The following MYT1L variants were observed in gnomAD, a reference collection of about 807,000 sequenced individuals.
MYT1L encodes myelin transcription factor 1 like.
In MYT1L, 12 loss-of-function variants were observed where a neutral mutation model predicts 126.7. The observed-to-expected ratio is 0.09, with a 90% confidence interval of 0.06 to 0.15. The LOEUF (loss-of-function observed/expected upper bound fraction) is 0.15. Ranked by LOEUF, MYT1L falls within the 10% of genes least tolerant of loss-of-function variation. MYT1L has a pLI of 1.00. For missense variants in MYT1L, 979 were observed against 1,585.2 expected (o/e 0.62, Z 6.49); for synonymous variants, 541 against 604.2 (o/e 0.90, Z 1.53).
At chr2:2,179,057 T>C (rs1259711505) in intron 2 of MYT1L, among the ~76,000 whole-genome samples, 1 of 152,100 alleles carries the variant, frequency 6.6e-6, no homozygotes, top group Non-Finnish European at 1.5e-5. Flanking sequence ...TTACAGGCAA[T>C]ACCTGCTCTG....
At chr2:1,918,959 G>A (rs984662315) in intron 10 of MYT1L, among the ~76,000 whole-genome samples, 3 of 152,142 alleles carry the variant, frequency 2.0e-5, no homozygotes, top group African/African-American at 7.2e-5. Flanking sequence ...ATATAAAGTA[G>A]TAAGTGCACA....
At chr2:2,188,263 C>T (rs1432447980) in intron 2 of MYT1L, among the ~76,000 whole-genome samples, 1 of 152,142 alleles carries the variant, frequency 6.6e-6, no homozygotes, top group Non-Finnish European at 1.5e-5. Flanking sequence ...CCCAAAACAA[C>T]ATGAATTCGG....
intron 4 of MYT1L, among the ~76,000 whole-genome samples, chr2:2,017,624 T>A (rs959239717): frequency 6.6e-6 from 1 of 152,226 alleles, no homozygotes. Flanking sequence ...GAAGACTTTG[T>A]AGCAATGTTT....
intron 3 of MYT1L, among the ~76,000 whole-genome samples, chr2:2,165,260 C>T (rs1241363592): frequency 6.6e-6 from 1 of 151,966 alleles, no homozygotes; most frequent in South Asian, 2.1e-4. Flanking sequence ...ATATTAGACA[C>T]CAAGTACGGG....
At chr2:2,155,128 A>C (rs1575533235) in intron 3 of MYT1L, among the ~76,000 whole-genome samples, 1 of 138,620 alleles carries the variant, frequency 7.2e-6, no homozygotes, top group African/African-American at 2.5e-5. Context: ...ACTCCATCTC[A>C]ATCAATCAAT....
intron 3 of MYT1L, among the ~76,000 whole-genome samples, chr2:2,158,245 T>C (rs548236956): frequency 6.6e-5 from 10 of 151,990 alleles, no homozygotes; most frequent in Non-Finnish European, 1.3e-4. Flanking sequence ...CTAGGCAGAT[T>C]TTATTTTAAA....
At chr2:1,924,621 C>A (rs2053991683) in intron 9 of MYT1L, among the ~76,000 whole-genome samples, 1 of 152,046 alleles carries the variant, frequency 6.6e-6, no homozygotes, top group Non-Finnish European at 1.5e-5. Flanking sequence ...CCTTATTATC[C>A]CACGCTGAAG....
chr2:2,294,807 T>C lies in MYT1L; in HGVS notation c.-520-10304A>G, dbSNP rs561023696. The stretch of plus-strand genomic sequence containing the variant: ...TAAGTATCTGTTGAAAGCAATAGTG[T>C]GTGCAAAGACTTGGGCAGGGTATTG... On this transcript the variant is annotated intron_variant, in intron 1 of 24. Transcript: ENST00000647738. Among the ~76,000 whole-genome samples the C allele has an allele frequency of 3.9e-5, 6 of 152,318 alleles. No individual in the cohort carries two copies. The East Asian group carries it at 5.8e-4, about 15-fold the overall frequency.
intron 21 of MYT1L, among the ~76,000 whole-genome samples, chr2:1,838,773 T>C (rs1451009260): frequency 6.6e-6 from 1 of 152,284 alleles, no homozygotes; most frequent in East Asian, 1.9e-4. Flanking sequence ...CCGTGCCAAA[T>C]GCCATCCTCT....
At chr2:2,216,272 G>A (rs754725865) in intron 2 of MYT1L, among the ~76,000 whole-genome samples, 1 of 152,074 alleles carries the variant, frequency 6.6e-6, no homozygotes, top group Non-Finnish European at 1.5e-5. Context: ...TGTAACACAA[G>A]TCTCAATAAA....
intron 4 of MYT1L, among the ~76,000 whole-genome samples, chr2:2,027,455 C>T (rs1200618378): frequency 1.3e-5 from 2 of 152,166 alleles, no homozygotes; most frequent in African/African-American, 2.4e-5. Flanking sequence ...GGATGACCCC[C>T]GGCCATTCTT....
At position 1,852,646 on chromosome 2, in the gene MYT1L, C is replaced by A. The variant is rs1196079497; in HGVS notation, c.2712-943G>T. 6.6e-6 allele frequency among the ~76,000 whole-genome samples: 1 copy of A among 152,136 alleles called. No individual in the cohort carries two copies. Among genetic ancestry groups the A allele is most frequent in the Non-Finnish European group, 1.5e-5 (1 of 68,038 alleles). On this transcript the variant is annotated intron_variant, in intron 18 of 24. Coordinates refer to ENST00000647738, the MANE Select transcript of MYT1L (RefSeq NM_001303052.2). The surrounding 1 kb of genome is among the most constrained non-coding windows in gnomAD (Gnocchi z 4.0). The stretch of plus-strand genomic sequence containing the variant: ...CTTTGAGCTATTTCAGTTGCATTTG[C>A]GCCCACCATGAATGTAAAAATTAAG...
At chr2:2,323,105 ATCAAAAGCAAGTT>A (rs2096198466) in intron 1 of MYT1L, among the ~76,000 whole-genome samples, 1 of 152,218 alleles carries the variant, frequency 6.6e-6, no homozygotes, top group Admixed American at 6.5e-5. Context: ...AGGGAAAATG[ATCAAAAGCAAGTT>A]TCAGCAGCTT....
At chr2:2,039,171 T>C (rs1295262529) in intron 4 of MYT1L, among the ~76,000 whole-genome samples, 2 of 152,134 alleles carry the variant, frequency 1.3e-5, no homozygotes, top group African/African-American at 4.8e-5. Flanking sequence ...ATGGGGACAT[T>C]ATGGTTCACA....
chr2:1,887,581 G>C lies in MYT1L; in HGVS notation c.2549C>G (p.Ala850Gly). Residue 850 changes from alanine (A) to glycine (G), a missense_variant, in exon 17 of 25, where the codon GCT becomes GGT. By Grantham distance (60) the Ala-to-Gly change is moderately conservative (BLOSUM62 0). Coordinates refer to ENST00000647738, the MANE Select transcript of MYT1L (RefSeq NM_001303052.2). This position sits in a 1 kb window ranked among gnomAD's most constrained non-coding sequence, Gnocchi z 4.8. ...CCCGGGATACCGTCTTTCTTCTAGA[G>C]CCTCCTGGAATGGGTCCAAGTCTTC... is the stretch of plus-strand genomic sequence containing the variant. The part of the protein sequence containing the change: ...TPEDLDPFQE[A>G]LEERRYPGEV... 6.2e-7 allele frequency: 1 copy of C among 1,613,990 alleles called. No individual in the cohort carries two copies. The highest frequency in any genetic ancestry group is 8.5e-7 in the Non-Finnish European group (1 of 1,179,894).
chr2:2,098,599 A>AGG (rs970799060), intron 3 of MYT1L, among the ~76,000 whole-genome samples: 2 of 152,212 alleles, frequency 1.3e-5, no homozygotes, highest in Non-Finnish European at 1.5e-5. Flanking sequence ...GGTGGAGGCC[A>AGG]GGGGTCCTGC....
chr2:1,977,146 T>C (rs146166813), intron 8 of MYT1L, among the ~76,000 whole-genome samples: 247 of 152,352 alleles, frequency 1.6e-3, no homozygotes, highest in African/African-American at 5.7e-3. Context: ...CAAAAGTTTA[T>C]TGGAAACAGC....
chr2:2,196,047 A>G (rs2092784499), intron 2 of MYT1L, among the ~76,000 whole-genome samples: 1 of 152,116 alleles, frequency 6.6e-6, no homozygotes. Flanking sequence ...TTCAACAAGC[A>G]ATAGAAATTT....
At chr2:1,977,570 G>C (rs2060280154) in intron 8 of MYT1L, among the ~76,000 whole-genome samples, 1 of 152,154 alleles carries the variant, frequency 6.6e-6, no homozygotes, top group Non-Finnish European at 1.5e-5. Context: ...AAATGCTTGA[G>C]GGGATGAAGA....
Sources: gnomAD v4.1 joint callset for allele counts (sites outside exome capture counted in the v4.1 genomes callset) on GRCh38, gnomAD v4.1.1 for gene constraint, Gnocchi (gnomAD v3.1) non-coding constraint, MANE v1.5 for transcripts, NCBI Gene and HGNC (gene_info 2026-07-23, HGNC 2026-07-21) for gene names.